The following LRFN5 variants were observed in gnomAD, a reference collection of about 807,000 sequenced individuals.
The protein encoded by LRFN5 is leucine rich repeat and fibronectin type III domain containing 5, also known as leucine-rich repeat and fibronectin type-III domain-containing protein 5.
In LRFN5, 24 loss-of-function variants were observed where a neutral mutation model predicts 45.6. The observed-to-expected ratio is 0.53, with a 90% CI of 0.38 to 0.74. The LOEUF (loss-of-function observed/expected upper bound fraction) is 0.74. LRFN5 is among the 30% of genes least tolerant of loss of function. The pLI is 0.00. For synonymous variants in LRFN5, 340 were observed against 313.8 expected (o/e 1.08, Z -0.88); for missense variants, 776 against 861.5 (o/e 0.90, Z 1.24).
At chr14:41,839,769 G>A (rs931660213) in intron 2 of LRFN5, among the ~76,000 whole-genome samples, 4 of 152,064 alleles carry the variant, frequency 2.6e-5, no homozygotes, top group Admixed American at 6.6e-5. Context: ...TGAAGCTATT[G>A]CTATACCCTT....
chr14:41,668,206 C>A (rs1413019225), intron 1 of LRFN5, among the ~76,000 whole-genome samples: 1 of 152,098 alleles, frequency 6.6e-6, no homozygotes, highest in Non-Finnish European at 1.5e-5. Flanking sequence ...TACATCACAT[C>A]CCATCAAAAC....
At chr14:41,661,321 C>T (rs1023797546) in intron 1 of LRFN5, among the ~76,000 whole-genome samples, 4 of 151,908 alleles carry the variant, frequency 2.6e-5, no homozygotes, top group African/African-American at 4.8e-5. Flanking sequence ...AAATTTTGCT[C>T]TTCATAAGAA....
At chr14:41,805,562 A>G (rs368796711) in intron 2 of LRFN5, among the ~76,000 whole-genome samples, 1 of 90,416 alleles carries the variant, frequency 1.1e-5, no homozygotes, top group Non-Finnish European at 2.3e-5. Flanking sequence ...CACCCCCCCC[A>G]CCCCACAGCA....
chr14:41,816,561 G>A (rs577351110), intron 2 of LRFN5, among the ~76,000 whole-genome samples: 1 of 146,768 alleles, frequency 6.8e-6, no homozygotes, highest in Non-Finnish European at 1.5e-5. Context: ...AGTATTCTAT[G>A]TTTTTTTCTT....
chr14:41,798,948 T>G (rs2138963364), intron 2 of LRFN5, among the ~76,000 whole-genome samples: 1 of 152,172 alleles, frequency 6.6e-6, no homozygotes, highest in Admixed American at 6.6e-5. Context: ...CTGAGGCTAC[T>G]CTAGTTGAGG....
intron 2 of LRFN5, among the ~76,000 whole-genome samples, chr14:41,848,046 A>G (rs1238886623): frequency 6.6e-6 from 1 of 152,166 alleles, no homozygotes; most frequent in Non-Finnish European, 1.5e-5. Flanking sequence ...GCCCAGGGGC[A>G]GATGCTTTTC....
intron 2 of LRFN5, among the ~76,000 whole-genome samples, chr14:41,835,291 T>C (rs1888622547): frequency 6.6e-6 from 1 of 152,212 alleles, no homozygotes; most frequent in African/African-American, 2.4e-5. Flanking sequence ...TACTGCTGTA[T>C]TTCACTGCTT....
chr14:41,788,518 A>T (rs988009495), intron 2 of LRFN5, among the ~76,000 whole-genome samples: 6 of 151,810 alleles, frequency 4.0e-5, no homozygotes, highest in Non-Finnish European at 4.4e-5. Context: ...TCCTCTATTT[A>T]CATAAAAGAG....
Position 41,901,556 on chromosome 14 carries a change from C to T in LRFN5, c.2142+2596C>T, listed in dbSNP as rs376130296. ...TCTTGATTTTAATAAATTTAACTTG[C>T]GATTAGTCCACATTTAATAACAAGC... On this transcript the variant is annotated intron_variant, in intron 5 of 5. Transcript: ENST00000298119. 2.6e-4 allele frequency among the ~76,000 whole-genome samples: 40 copies of T among 151,604 alleles called. 2 individuals carry two copies. The South Asian group carries it at 7.9e-3, about 30-fold the overall frequency.
At chr14:41,700,373 A>G (rs1882788477) in intron 1 of LRFN5, 1 of 152,134 alleles carries the variant, frequency 6.6e-6, no homozygotes, top group African/African-American at 2.4e-5. Context: ...GGGGGCAAAA[A>G]AATATCTGAA....
intron 1 of LRFN5, among the ~76,000 whole-genome samples, chr14:41,674,827 G>A (rs1381535828): frequency 1.3e-5 from 2 of 149,792 alleles, no homozygotes; most frequent in South Asian, 2.1e-4. Context: ...CCGGGAGGAG[G>A]GGCTCCTCAC....
At chr14:41,672,781 T>C (rs1881296571) in intron 1 of LRFN5, among the ~76,000 whole-genome samples, 2 of 152,202 alleles carry the variant, frequency 1.3e-5, no homozygotes, top group Non-Finnish European at 2.9e-5. Flanking sequence ...ATCTATAGAC[T>C]TTTGAGTATG....
chr14:41,655,290 T>G (rs1029963006), intron 1 of LRFN5, among the ~76,000 whole-genome samples: 1 of 152,160 alleles, frequency 6.6e-6, no homozygotes, highest in Admixed American at 6.6e-5. Flanking sequence ...AGGGTTATTA[T>G]TTTATATAGA....
intron 4 of LRFN5, chr14:41,893,584 C>G: frequency 2.0e-6 from 2 of 985,246 alleles, no homozygotes; most frequent in Non-Finnish European, 2.4e-6. Context: ...ACTTAAGACA[C>G]AAGTGAGGAA....
chr14:41,648,759 G>C (rs1879943294), intron 1 of LRFN5, among the ~76,000 whole-genome samples: 1 of 151,780 alleles, frequency 6.6e-6, no homozygotes, highest in South Asian at 2.1e-4. Context: ...CCCTTACAGA[G>C]GCATCCACTT....
chr14:41,887,345 C>T lies in LRFN5; in HGVS notation c.720C>T (p.Asn240=), dbSNP rs764464180. 4.9e-5 allele frequency: 79 copies of T among 1,614,060 alleles called. 2 individuals carry two copies. The Admixed American group carries it at 1.1e-3, about 23-fold the overall frequency. Residue 240 remains asparagine, a synonymous_variant, in exon 3 of 6, where the codon AAC becomes AAT. Coordinates refer to ENST00000298119, the MANE Select transcript of LRFN5 (RefSeq NM_152447.5). The surrounding 1 kb of genome is among the most constrained non-coding windows in gnomAD (Gnocchi z 4.8). ...PSTFALSFGG[N]PLHCNCELLW... Reference sequence around the variant, plus strand: ...CTTTTGCATTAAGTTTTGGTGGAAACCCCTTGCATTGCAATTGTGAATTGT... The same window carrying T: ...CTTTTGCATTAAGTTTTGGTGGAAATCCCTTGCATTGCAATTGTGAATTGT...
At chr14:41,801,303 G>T (rs1466873011) in intron 2 of LRFN5, among the ~76,000 whole-genome samples, 1 of 152,078 alleles carries the variant, frequency 6.6e-6, no homozygotes, top group Non-Finnish European at 1.5e-5. Flanking sequence ...AAAGCACTTA[G>T]ATTCTGTGTA....
chr14:41,721,659 T>A (rs972327744), intron 1 of LRFN5, among the ~76,000 whole-genome samples: 1 of 152,192 alleles, frequency 6.6e-6, no homozygotes, highest in Non-Finnish European at 1.5e-5. Flanking sequence ...TTCTGGGTTT[T>A]AATTTCTTTT....
chr14:41,885,946 G>A (rs1421563712), intron 2 of LRFN5, among the ~76,000 whole-genome samples: 1 of 150,294 alleles, frequency 6.7e-6, no homozygotes, highest in Non-Finnish European at 1.5e-5. Context: ...GCTTGAACCT[G>A]GGAGGTGGAA....
Sources: gnomAD v4.1 joint callset for allele counts (sites outside exome capture counted in the v4.1 genomes callset) on GRCh38, gnomAD v4.1.1 for gene constraint, Gnocchi (gnomAD v3.1) non-coding constraint, MANE v1.5 for transcripts, NCBI Gene and HGNC (gene_info 2026-07-23, HGNC 2026-07-21) for gene names.